Variants in PABIR3 observed in about 807,000 individuals in gnomAD.
The protein encoded by PABIR3 is PABIR family member 3, also known as PABIR family member 1.
In PABIR3, 20 loss-of-function variants were observed where a neutral mutation model predicts 23.1. The observed-to-expected ratio is 0.86, with a 90% CI of 0.61 to 1.26. PABIR3 has a LOEUF of 1.26. Among genes scored for constraint, PABIR3 ranks in the 50% most tolerant of loss-of-function variants. PABIR3 has a pLI of 0.00. For missense variants in PABIR3, 189 were observed against 195.4 expected, an observed-to-expected ratio of 0.97 and a Z score of 0.20; for synonymous variants, 69 against 68.5, an observed-to-expected ratio of 1.01 and a Z score of -0.04.
chrX:134,845,042 GC>G lies in PABIR3; in HGVS notation c.247-162del, dbSNP rs754403907. Reference sequence around the variant, plus strand: ...GATCTTTGGTGTGATAATTTGTGAAGCAATAAAGGGCAGAGAACCAGATACT... The same window carrying G: ...GATCTTTGGTGTGATAATTTGTGAAGAATAAAGGGCAGAGAACCAGATACT... On this transcript the variant is annotated intron_variant, in intron 4 of 10. Coordinates refer to ENST00000645433, the MANE Select transcript of PABIR3 (RefSeq NM_001388447.1). Among the ~76,000 whole-genome samples the G allele has an allele frequency of 4.6e-4, 52 of 112,118 alleles. No individual in the cohort carries two copies. In the East Asian group the frequency reaches 0.014, roughly 30 times the overall value.
the PABIR3 span, among the ~76,000 whole-genome samples, chrX:134,859,886 A>G: frequency 9.8e-4 from 109 of 111,654 alleles, no homozygotes; most frequent in Non-Finnish European, 1.7e-3. Flanking sequence ...CTTTGTTCTG[A>G]GAAAGGAAAT....
At position 134,850,183 on chromosome X, in the gene PABIR3, G is replaced by T. The variant is rs373581512; in HGVS notation, c.589+955G>T. Among the ~76,000 whole-genome samples, 5 of 110,049 alleles carry T rather than the reference G, an allele frequency of 4.5e-5. No homozygotes were observed. The East Asian group carries it at 1.1e-3, about 25-fold the overall frequency. ...AGCCTGTATATTTAGTACAATTTTT[G>T]ACTACAATGGGGAGGGGAAATGGGT... is the stretch of plus-strand genomic sequence containing the variant. On this transcript the variant is annotated intron_variant, in intron 9 of 10. Coordinates refer to ENST00000645433, the MANE Select transcript of PABIR3 (RefSeq NM_001388447.1).
rs777605655 is a variant in PABIR3, at chrX:134,814,842, G to A, written c.182G>A (p.Arg61His). Residue 61 changes from arginine to histidine, a missense_variant, in exon 3 of 11, where the codon CGC (arginine) becomes CAC (histidine). Physicochemically the swap from Arg to His is conservative, Grantham distance 29. Transcript: ENST00000645433. Reference sequence around the variant, plus strand: ...AACAGAACAACATTTAGGAATCGACGCTCTCTGGTAAGGAAATGCTTATAG... The same window carrying A: ...AACAGAACAACATTTAGGAATCGACACTCTCTGGTAAGGAAATGCTTATAG... ...RTNRTTFRNRRSLLLPPPPFH... is the reference protein window; with the variant it reads ...RTNRTTFRNRHSLLLPPPPFH... 79 of 1,189,040 alleles carry A rather than the reference G, an allele frequency of 6.6e-5. No individual in the cohort carries two copies. The highest frequency in any genetic ancestry group is 7.9e-5 in the Non-Finnish European group (70 of 881,585).
rs1442595417 is a variant in PABIR3, at chrX:134,808,792, C to T, written c.110+1084C>T. On this transcript the variant is annotated intron_variant, in intron 2 of 10. Transcript: ENST00000645433. ...TCAGCCTCCCAAAGTGCTGGTATTA[C>T]AGACGTGAGCCACTGCTCCTGGCCT... Among the ~76,000 whole-genome samples, 3 of 112,450 alleles carry T rather than the reference C, an allele frequency of 2.7e-5. No homozygotes were observed. In the East Asian group the frequency reaches 8.4e-4, roughly 31 times the overall value.
downstream of PABIR3, among the ~76,000 whole-genome samples, chrX:134,857,087 A>G (rs941405949): frequency 3.0e-4 from 34 of 112,432 alleles, no homozygotes; most frequent in African/African-American, 1.0e-3. Context: ...TCAGTTTTCT[A>G]TAGTGAAGGA....
At chrX:134,831,349 G>C (rs906009677) in intron 4 of PABIR3, among the ~76,000 whole-genome samples, 3 of 111,690 alleles carry the variant, frequency 2.7e-5, no homozygotes, top group Non-Finnish European at 5.6e-5. Flanking sequence ...GATTACAGGG[G>C]TGAGCCACTG....
chrX:134,822,439 C>A, intron 3 of PABIR3: 2 of 751,516 alleles, frequency 2.7e-6, no homozygotes, highest in African/African-American at 2.3e-5. Context: ...TTAAAAAATT[C>A]TTGTAGCTTA....
At chrX:134,857,622 C>T (rs991459993), downstream of PABIR3, among the ~76,000 whole-genome samples, 5 of 110,914 alleles carry the variant, frequency 4.5e-5, no homozygotes, top group African/African-American at 1.6e-4. Context: ...TCCTATAACT[C>T]GTCTTAAAAA....
chrX:134,822,793 G>C, intron 3 of PABIR3: 1 of 265,983 alleles, frequency 3.8e-6, no homozygotes, highest in Non-Finnish European at 5.2e-6. Flanking sequence ...GAGGAGGGAA[G>C]CAGAAAAGAT....
intron 2 of PABIR3, among the ~76,000 whole-genome samples, chrX:134,811,413 T>C (rs1212241953): frequency 9.2e-6 from 1 of 108,959 alleles, no homozygotes; most frequent in African/African-American, 3.3e-5. Context: ...TTTTTTTTTT[T>C]TCCTGAGATG....
intron 9 of PABIR3, among the ~76,000 whole-genome samples, chrX:134,851,798 C>T (rs1194542793): frequency 9.0e-6 from 1 of 111,560 alleles, no homozygotes; most frequent in Non-Finnish European, 1.9e-5. Flanking sequence ...ACTTTATGAG[C>T]CATGATTACA....
upstream of PABIR3, chrX:134,807,232 T>C (rs1426746740): frequency 1.2e-6 from 1 of 855,485 alleles, no homozygotes; most frequent in Non-Finnish European, 1.4e-6. Flanking sequence ...CAGATTGTAG[T>C]TTTTGTTTTG....
Position 134,854,296 on chromosome X carries a change from A to G in PABIR3, c.*79A>G, listed in dbSNP as rs985642087. 64 of 1,045,870 alleles carry G rather than the reference A, an allele frequency of 6.1e-5. No homozygotes were observed. The highest frequency in any genetic ancestry group is 2.5e-4 in the Middle Eastern group (1 of 3,927). The allele number at this position is 1,045,870 out of a possible 1,213,427, so 86.2% of individuals were successfully genotyped here. A position where few individuals can be genotyped will look rare whatever the true frequency, so the allele number is the denominator to read the frequency against. ...GAGAAACACACACATCAAGCAAACCAAGTCAGAGCAATGAGAATTGTACTG... is the reference window on the plus strand; with the variant it reads ...GAGAAACACACACATCAAGCAAACCGAGTCAGAGCAATGAGAATTGTACTG... On this transcript the variant is annotated 3_prime_UTR_variant, in exon 11 of 11. Coordinates refer to ENST00000645433, the MANE Select transcript of PABIR3 (RefSeq NM_001388447.1).
intron 4 of PABIR3, chrX:134,832,868 A>G (rs762518424): frequency 8.9e-6 from 1 of 112,039 alleles, no homozygotes; most frequent in Non-Finnish European, 1.9e-5. Context: ...CTATATGCTG[A>G]TTTCCTTTTT....
At chrX:134,846,100 T>G (rs774291582) in intron 6 of PABIR3, among the ~76,000 whole-genome samples, 1 of 111,947 alleles carries the variant, frequency 8.9e-6, no homozygotes, top group Admixed American at 9.6e-5. Flanking sequence ...CTTACGATTA[T>G]GGCAGAAGGC....
At chrX:134,810,793 C>T (rs1036772172) in intron 2 of PABIR3, 1 of 752,607 alleles carries the variant, frequency 1.3e-6, no homozygotes, top group African/African-American at 2.3e-5. Context: ...AGGTGAAAGT[C>T]ACTAGCATAT....
intron 3 of PABIR3, chrX:134,821,873 C>G (rs2081311533): frequency 1.3e-6 from 1 of 772,914 alleles, no homozygotes; most frequent in South Asian, 6.0e-5. Context: ...CATTTTATCT[C>G]TAGTTACTAT....
At chrX:134,835,923 C>T (rs189157707) in intron 4 of PABIR3, 4 of 111,980 alleles carry the variant, frequency 3.6e-5, no homozygotes, top group African/African-American at 1.3e-4. Flanking sequence ...CTGCAACCTT[C>T]GCCTCCCGAG....
chrX:134,820,946 C>T (rs1418090029), intron 3 of PABIR3, among the ~76,000 whole-genome samples: 4 of 107,351 alleles, frequency 3.7e-5, no homozygotes, highest in South Asian at 4.1e-4. Flanking sequence ...CTCTTGAACC[C>T]GGGGAGTGAA....
Sources: gnomAD v4.1 joint callset for allele counts (sites outside exome capture counted in the v4.1 genomes callset) on GRCh38, gnomAD v4.1.1 for gene constraint, MANE v1.5 for transcripts, NCBI Gene and HGNC (gene_info 2026-07-23, HGNC 2026-07-21) for gene names.